The following CNTNAP2 variants were observed in gnomAD, a reference collection of about 807,000 sequenced individuals.
CNTNAP2 encodes contactin-associated protein-like 2.
A neutral mutation model predicts 155.2 loss-of-function variants in CNTNAP2; 98 were observed. The observed-to-expected ratio is 0.63, with a 90% CI of 0.54 to 0.75. The LOEUF (loss-of-function observed/expected upper bound fraction) is 0.75, where lower values mean the gene tolerates loss of function less well. Ranked by LOEUF, CNTNAP2 falls within the 30% of genes least tolerant of loss-of-function variation. The pLI is 0.00. For synonymous variants in CNTNAP2, 651 were observed against 631.2 expected, an observed-to-expected ratio of 1.03 and a Z score of -0.47; for missense variants, 1,727 against 1,688.1, an observed-to-expected ratio of 1.02 and a Z score of -0.40.
intron 13 of CNTNAP2, among the ~76,000 whole-genome samples, chr7:147,848,052 T>G (rs1798841740): frequency 8.1e-6 from 1 of 123,668 alleles, no homozygotes; most frequent in South Asian, 3.0e-4. Flanking sequence ...GTCTTTTTGT[T>G]TGTCTGTGCC....
At chr7:147,609,737 C>T (rs534842521) in intron 12 of CNTNAP2, among the ~76,000 whole-genome samples, 3 of 152,062 alleles carry the variant, frequency 2.0e-5, no homozygotes, top group South Asian at 2.1e-4. Context: ...GGCAGATGAA[C>T]AGGAGAAAAG....
chr7:148,152,448 CA>C (rs1453796775), intron 17 of CNTNAP2, among the ~76,000 whole-genome samples: 1 of 151,476 alleles, frequency 6.6e-6, no homozygotes, highest in Non-Finnish European at 1.5e-5. Flanking sequence ...TTCCAGAATG[CA>C]AAAATCTGAA....
intron 18 of CNTNAP2, among the ~76,000 whole-genome samples, chr7:148,184,728 A>G (rs939896681): frequency 6.6e-6 from 1 of 152,180 alleles, no homozygotes; most frequent in African/African-American, 2.4e-5. Context: ...AGGGAATCTT[A>G]TATTATATAG....
chr7:147,620,314 G>T (rs1355671498), intron 12 of CNTNAP2, among the ~76,000 whole-genome samples: 2 of 152,128 alleles, frequency 1.3e-5, no homozygotes, highest in Non-Finnish European at 2.9e-5. Context: ...AGGAAAACAT[G>T]ACTTCACCAA....
At chr7:146,937,738 T>G (rs1181860368) in intron 3 of CNTNAP2, among the ~76,000 whole-genome samples, 2 of 152,204 alleles carry the variant, frequency 1.3e-5, no homozygotes, top group Non-Finnish European at 2.9e-5. Context: ...TAATTATAAA[T>G]AATGCCAACC....
intron 12 of CNTNAP2, among the ~76,000 whole-genome samples, chr7:147,606,964 A>T (rs776669364): frequency 3.0e-4 from 45 of 151,980 alleles, no homozygotes; most frequent in Non-Finnish European, 4.6e-4. Flanking sequence ...CACCAAATGC[A>T]TTTGTACTTT....
chr7:148,406,018 G>A (rs1799696503), intron 22 of CNTNAP2, among the ~76,000 whole-genome samples: 1 of 152,042 alleles, frequency 6.6e-6, no homozygotes, highest in Non-Finnish European at 1.5e-5. Flanking sequence ...AGATCACGAG[G>A]TCAGGAGATC....
At chr7:147,198,961 T>TC (rs1342313672) in intron 8 of CNTNAP2, among the ~76,000 whole-genome samples, 1 of 145,222 alleles carries the variant, frequency 6.9e-6, no homozygotes, top group African/African-American at 2.6e-5. Flanking sequence ...AGGACTTTTT[T>TC]TTTTTTTTTT....
chr7:146,269,255 G>A (rs532729147), intron 1 of CNTNAP2, among the ~76,000 whole-genome samples: 6 of 152,232 alleles, frequency 3.9e-5, no homozygotes, highest in South Asian at 2.1e-4. Context: ...CAGGGGAATC[G>A]CTTGAACCTG....
chr7:146,971,411 C>T (rs774588518), intron 3 of CNTNAP2, among the ~76,000 whole-genome samples: 20 of 152,086 alleles, frequency 1.3e-4, no homozygotes, highest in Admixed American at 3.9e-4. Flanking sequence ...CAAACACTAG[C>T]GATATGAATA....
intron 14 of CNTNAP2, among the ~76,000 whole-genome samples, chr7:147,941,296 A>G (rs1487720018): frequency 6.6e-6 from 1 of 152,196 alleles, no homozygotes; most frequent in African/African-American, 2.4e-5. Context: ...TAGAATTTAC[A>G]AAGTAAACAA....
chr7:146,412,919 A>G (rs191670251), intron 1 of CNTNAP2, among the ~76,000 whole-genome samples: 88 of 152,302 alleles, frequency 5.8e-4, no homozygotes, highest in Non-Finnish European at 8.8e-4. Flanking sequence ...GAAAATGGAT[A>G]CATTTTTTTA....
At chr7:146,209,447 G>A (rs1170645342) in intron 1 of CNTNAP2, among the ~76,000 whole-genome samples, 4 of 152,142 alleles carry the variant, frequency 2.6e-5, no homozygotes, top group Non-Finnish European at 4.4e-5. Context: ...GAGTCCTAAA[G>A]TGTCAAGGCC....
chr7:146,147,932 T>C (rs1797979596), intron 1 of CNTNAP2, among the ~76,000 whole-genome samples: 1 of 152,136 alleles, frequency 6.6e-6, no homozygotes, highest in African/African-American at 2.4e-5. Flanking sequence ...GGAACCAATA[T>C]ATATATTTTT....
chr7:147,355,806 C>A (rs577752941), intron 9 of CNTNAP2, among the ~76,000 whole-genome samples: 1 of 152,094 alleles, frequency 6.6e-6, no homozygotes, highest in Non-Finnish European at 1.5e-5. Context: ...ATCTACCAAC[C>A]AAGAAAAGCC....
intron 3 of CNTNAP2, among the ~76,000 whole-genome samples, chr7:146,872,341 T>A (rs1795330229): frequency 6.6e-6 from 1 of 152,130 alleles, no homozygotes; most frequent in Admixed American, 6.6e-5. Context: ...AAAAAGAAAG[T>A]TGGAAACAAA....
intron 11 of CNTNAP2, among the ~76,000 whole-genome samples, chr7:147,491,436 T>G (rs1187919968): frequency 1.3e-5 from 2 of 151,576 alleles, no homozygotes; most frequent in Non-Finnish European, 3.0e-5. Flanking sequence ...GGCCCTGTAG[T>G]TAGATCAAAT....
Position 146,949,304 on chromosome 7 carries a change from C to T in CNTNAP2, c.403-94603C>T, listed in dbSNP as rs117043129. On this transcript the variant is annotated intron_variant, in intron 3 of 23. Transcript: ENST00000361727. ...TCTGCCCCAGGGCATTTCCCCTATA[C>T]GGAAACAGACCTCAGATCGCACTCT... 3.9e-4 allele frequency among the ~76,000 whole-genome samples: 60 copies of T among 152,328 alleles called. No homozygotes were observed. The East Asian group carries it at 8.5e-3, about 22-fold the overall frequency.
intron 1 of CNTNAP2, among the ~76,000 whole-genome samples, chr7:146,568,126 C>T (rs376362831): frequency 1.9e-4 from 29 of 152,202 alleles, no homozygotes; most frequent in African/African-American, 6.5e-4. Context: ...TGGATAGATC[C>T]ACCCATGTCA....
Sources: gnomAD v4.1 joint callset for allele counts (sites outside exome capture counted in the v4.1 genomes callset) on GRCh38, gnomAD v4.1.1 for gene constraint, MANE v1.5 for transcripts, NCBI Gene and HGNC (gene_info 2026-07-23, HGNC 2026-07-21) for gene names.